KCNQ3: variants seen among roughly 807,000 people sequenced by gnomAD.
KCNQ3 encodes the protein potassium voltage-gated channel subfamily KQT member 3.
A neutral mutation model predicts 92.5 loss-of-function variants in KCNQ3; 30 were observed. That is an observed-to-expected ratio of 0.32 (90% CI 0.24 to 0.44). KCNQ3 has a LOEUF of 0.44. Among genes scored for constraint, KCNQ3 ranks in the 20% least tolerant of loss-of-function variants. KCNQ3 has a pLI of 1.00. For missense variants in KCNQ3, 913 were observed against 1,140.3 expected (o/e 0.80, Z 2.87); for synonymous variants, 450 against 468.8 (o/e 0.96, Z 0.52).
intron 1 of KCNQ3, among the ~76,000 whole-genome samples, chr8:132,246,845 C>T (rs983763142): frequency 9.9e-5 from 15 of 152,182 alleles, no homozygotes; most frequent in African/African-American, 3.6e-4. Context: ...CAGCACCATG[C>T]ACTGCATGTG....
intron 8 of KCNQ3, among the ~76,000 whole-genome samples, chr8:132,165,967 T>C (rs1826131645): frequency 6.6e-6 from 1 of 152,218 alleles, no homozygotes; most frequent in African/African-American, 2.4e-5. Context: ...CTAGTGCATA[T>C]AGTCCCCTTT....
At chr8:132,350,365 T>A (rs900123931) in intron 1 of KCNQ3, among the ~76,000 whole-genome samples, 4 of 152,148 alleles carry the variant, frequency 2.6e-5, no homozygotes, top group Non-Finnish European at 5.9e-5. Flanking sequence ...CACTGCCAAA[T>A]GTTTCAGCTT....
intron 1 of KCNQ3, among the ~76,000 whole-genome samples, chr8:132,471,470 T>C (rs902902923): frequency 3.9e-5 from 6 of 152,162 alleles, no homozygotes; most frequent in Admixed American, 1.3e-4. Flanking sequence ...GCAGATTAGA[T>C]ATGATCAAGA....
chr8:132,317,738 C>A (rs1193225302), intron 1 of KCNQ3, among the ~76,000 whole-genome samples: 1 of 152,014 alleles, frequency 6.6e-6, no homozygotes, highest in Non-Finnish European at 1.5e-5. Context: ...CTCTGGTGAC[C>A]CCCGTGAAGT....
chr8:132,253,339 T>C (rs1815477820), intron 1 of KCNQ3, among the ~76,000 whole-genome samples: 1 of 152,208 alleles, frequency 6.6e-6, no homozygotes, highest in South Asian at 2.1e-4. Context: ...TGACTGAGTC[T>C]ATAAAATGAG....
Position 132,449,549 on chromosome 8 carries a change from C to G in KCNQ3, c.386+30598G>C, listed in dbSNP as rs573575619. ...CACTCCCTTTTCCCACCTCTCTAGA[C>G]CCCCACAGGAAAACACATCTCTGAT... On this transcript the variant is annotated intron_variant, in intron 1 of 14. Coordinates refer to ENST00000388996, the MANE Select transcript of KCNQ3 (RefSeq NM_004519.4). 1.5e-4 allele frequency among the ~76,000 whole-genome samples: 23 copies of G among 152,230 alleles called. 1 individual carries two copies. The highest frequency in any genetic ancestry group is 3.3e-4 in the Admixed American group (5 of 15,298).
chr8:132,374,810 G>T (rs551017150), intron 1 of KCNQ3, among the ~76,000 whole-genome samples: 8 of 152,156 alleles, frequency 5.3e-5, no homozygotes, highest in Non-Finnish European at 1.2e-4. Flanking sequence ...AGTTTGCTGA[G>T]TATGATGGCC....
At chr8:132,232,774 C>T (rs7822003) in intron 1 of KCNQ3, among the ~76,000 whole-genome samples, 2,137 of 152,302 alleles carry the variant, frequency 0.014, 53 homozygotes, top group African/African-American at 0.049. Flanking sequence ...CCCAAATACT[C>T]ACGCCCCAGC....
At position 132,480,472 on chromosome 8, in the gene KCNQ3, C is replaced by T. The variant is rs1822526871; in HGVS notation, c.61G>A (p.Gly21Arg). ...AAGGGGDGGG[G>R]GGGAANPAGG... The stretch of plus-strand genomic sequence containing the variant: ...GCTGGGTTAGCCGCCCCGCCGCCTC[C>T]GCCGCCCCCGTCGCCGCCGCCGCCA... The change falls in exon 1 of 15, where the codon GGA (glycine) becomes AGA (arginine). Residue 21 changes from glycine to arginine, a missense_variant. Physicochemically the swap from Gly to Arg is moderately radical, Grantham distance 125. Around this residue, in one of 6 missense-constraint regions of KCNQ3, gnomAD observed 183 missense variants for 167.7 expected, o/e 1.09. Transcript: ENST00000388996. The T allele has an allele frequency of 8.1e-7, 1 of 1,240,148 alleles. No individual in the cohort carries two copies. Among genetic ancestry groups the T allele is most frequent in the Non-Finnish European group, 1.0e-6 (1 of 997,104 alleles). 76.8% of individuals were successfully genotyped at this position (1,240,148 alleles called of 1,614,324 possible). A position where few individuals can be genotyped will look rare whatever the true frequency, so the allele number is the denominator to read the frequency against.
In KCNQ3 at chr8:132,480,473, G is replaced by A; in HGVS notation, c.60C>T (p.Gly20=). The A allele has an allele frequency of 8.1e-6, 10 of 1,238,194 alleles. No homozygotes were observed. In the South Asian group the frequency reaches 1.5e-4, roughly 18 times the overall value. The allele number at this position is 1,238,194 out of a possible 1,614,324, so 76.7% of individuals were successfully genotyped here. ...GAAGGGGDGG[G]GGGGAANPAG... Reference sequence around the variant, plus strand: ...CTGGGTTAGCCGCCCCGCCGCCTCCGCCGCCCCCGTCGCCGCCGCCGCCAG... The same window carrying A: ...CTGGGTTAGCCGCCCCGCCGCCTCCACCGCCCCCGTCGCCGCCGCCGCCAG... The change falls in exon 1 of 15, where the codon GGC becomes GGT. Residue 20 remains glycine (G), a synonymous_variant. Transcript: ENST00000388996.
At chr8:132,460,301 T>C (rs770212355) in intron 1 of KCNQ3, among the ~76,000 whole-genome samples, 2 of 152,208 alleles carry the variant, frequency 1.3e-5, no homozygotes, top group Non-Finnish European at 2.9e-5. Context: ...CCCATGCATA[T>C]ACACATATTT....
chr8:132,154,687 G>C (rs1427786632), intron 9 of KCNQ3, among the ~76,000 whole-genome samples: 3 of 152,210 alleles, frequency 2.0e-5, no homozygotes, highest in Non-Finnish European at 4.4e-5. Context: ...GGCCTCTCCT[G>C]TTCCTAGGTG....
chr8:132,236,594 G>C (rs1814824136), intron 1 of KCNQ3, among the ~76,000 whole-genome samples: 1 of 152,102 alleles, frequency 6.6e-6, no homozygotes, highest in Non-Finnish European at 1.5e-5. Context: ...ATAAACCCAT[G>C]GTGGCAGGCA....
chr8:132,308,698 C>T lies in KCNQ3; in HGVS notation c.387-122517G>A, dbSNP rs188949701. 1.1e-4 allele frequency among the ~76,000 whole-genome samples: 17 copies of T among 152,266 alleles called. No individual in the cohort carries two copies. The East Asian group carries it at 2.9e-3, about 26-fold the overall frequency. Reference sequence around the variant, plus strand: ...TGTCAAGCGCTGACACTGGGGCAGCCGCTGTGATTGACCTGGTTTATTTGC... The same window carrying T: ...TGTCAAGCGCTGACACTGGGGCAGCTGCTGTGATTGACCTGGTTTATTTGC... On this transcript the variant is annotated intron_variant, in intron 1 of 14. Transcript: ENST00000388996.
chr8:132,251,836 G>A (rs4346976), intron 1 of KCNQ3, among the ~76,000 whole-genome samples: 66,829 of 152,040 alleles, frequency 0.44, 17,038 homozygotes, highest in East Asian at 0.72. Flanking sequence ...CATCCCTCTC[G>A]GAGAATTTTA....
chr8:132,298,785 T>C (rs1817125586), intron 1 of KCNQ3, among the ~76,000 whole-genome samples: 1 of 152,068 alleles, frequency 6.6e-6, no homozygotes, highest in Non-Finnish European at 1.5e-5. Context: ...GGCGGGCACC[T>C]GTAATCCCAG....
chr8:132,377,013 T>C (rs1254551513), intron 1 of KCNQ3, among the ~76,000 whole-genome samples: 1 of 152,224 alleles, frequency 6.6e-6, no homozygotes, highest in Admixed American at 6.5e-5. Flanking sequence ...TTGCGATGGT[T>C]AATTTCATGC....
At chr8:132,339,743 C>T (rs1018498080) in intron 1 of KCNQ3, among the ~76,000 whole-genome samples, 1 of 152,062 alleles carries the variant, frequency 6.6e-6, no homozygotes, top group Admixed American at 6.6e-5. Context: ...CAGTGCTTTG[C>T]CATCACTATG....
In KCNQ3 at chr8:132,472,761, T is replaced by C. The variant is rs1210195536; in HGVS notation, c.386+7386A>G. ...ATTCAAAACAGCTAAGAGAGAGGAC[T>C]TGAAATGTTCCCAACACATAGAAAT... On this transcript the variant is annotated intron_variant, in intron 1 of 14. Coordinates refer to ENST00000388996, the MANE Select transcript of KCNQ3 (RefSeq NM_004519.4). 2.0e-5 allele frequency among the ~76,000 whole-genome samples: 3 copies of C among 152,200 alleles called. No homozygotes were observed. The Middle Eastern group carries it at 0.01, about 518-fold the overall frequency.
Sources: allele counts gnomAD v4.1 joint callset (sites outside exome capture counted in the v4.1 genomes callset), GRCh38; gene constraint gnomAD v4.1.1; regional missense constraint gnomAD v4.1.1; transcripts MANE v1.5; gene names NCBI Gene and HGNC (gene_info 2026-07-23, HGNC 2026-07-21).